DERA: variants seen among roughly 807,000 people sequenced by gnomAD.
DERA encodes deoxyribose-phosphate aldolase, also known as 2-deoxy-D-ribose 5-phosphate aldolase.
DERA carries 15 observed loss-of-function variants against 41.1 expected under a neutral mutation model. That is an observed-to-expected ratio of 0.37 (90% CI 0.24 to 0.56). The LOEUF (loss-of-function observed/expected upper bound fraction) is 0.56. Ranked by LOEUF, DERA falls within the 20% of genes least tolerant of loss-of-function variation. DERA has a pLI of 0.81. For missense variants in DERA, 396 were observed against 403.4 expected (o/e 0.98, Z 0.16); for synonymous variants, 139 against 137.4 (o/e 1.01, Z -0.08).
chr12:15,944,868 A>T (rs1948435367), intron 1 of DERA, among the ~76,000 whole-genome samples: 1 of 152,196 alleles, frequency 6.6e-6, no homozygotes, highest in Non-Finnish European at 1.5e-5. Context: ...TTTAGGTCTA[A>T]CATTTAAGTC....
In DERA at chr12:15,911,897, G is replaced by GT; in HGVS notation, c.31+484dup. 2.5e-6 allele frequency: 1 copy of GT among 403,658 alleles called. No individual in the cohort carries two copies. The highest frequency in any genetic ancestry group is 3.0e-5 in the Admixed American group (1 of 33,310). The allele number at this position is 403,658 out of a possible 1,614,324, so 25.0% of individuals were successfully genotyped here. The stretch of plus-strand genomic sequence containing the variant: ...GTTGTCAGCCGTCTGTGCTCAAAAT[G>GT]TAACACTGCAGATTCATGGGATTTT... On this transcript the variant is annotated intron_variant, in intron 1 of 8. Transcript: ENST00000428559. The surrounding 1 kb of genome is among the most constrained non-coding windows in gnomAD (Gnocchi z 4.5).
Position 15,990,235 on chromosome 12 carries a change from A to T in DERA, c.637+7799A>T, listed in dbSNP as rs1948792775. ...GGGGAGACAAATGACATTGAGCTGG[A>T]TTTCTTTCTGTACTGATTCCAAAGC... On this transcript the variant is annotated intron_variant, in intron 6 of 8. Coordinates refer to ENST00000428559, the MANE Select transcript of DERA (RefSeq NM_015954.4). This position sits in a 1 kb window ranked among gnomAD's most constrained non-coding sequence, Gnocchi z 4.3. Among the ~76,000 whole-genome samples, 1 of 152,138 alleles carries T rather than the reference A, an allele frequency of 6.6e-6. No individual in the cohort carries two copies. The highest frequency in any genetic ancestry group is 2.4e-5 in the African/African-American group (1 of 41,426).
At position 15,924,837 on chromosome 12, in the gene DERA, A is replaced by G. The variant is rs1011245188; in HGVS notation, c.31+13423A>G. On this transcript the variant is annotated intron_variant, in intron 1 of 8. Transcript: ENST00000428559. The surrounding 1 kb of genome is among the most constrained non-coding windows in gnomAD (Gnocchi z 5.0). Reference sequence around the variant, plus strand: ...CTGCTAAGATACTTTGCCTTCTTTTATGGTACCTACCAATTTCAGCCTTGT... The same window carrying G: ...CTGCTAAGATACTTTGCCTTCTTTTGTGGTACCTACCAATTTCAGCCTTGT... Among the ~76,000 whole-genome samples the G allele has an allele frequency of 1.3e-5, 2 of 152,136 alleles. No individual in the cohort carries two copies. Among genetic ancestry groups the G allele is most frequent in the African/African-American group, 2.4e-5 (1 of 41,412 alleles).
At position 16,035,674 on chromosome 12, in the gene DERA, A is replaced by C. The variant is rs1290807730; in HGVS notation, c.751-558A>C. Among the ~76,000 whole-genome samples the C allele has an allele frequency of 6.6e-6, 1 of 152,212 alleles. No homozygotes were observed. Among genetic ancestry groups the C allele is most frequent in the Non-Finnish European group, 1.5e-5 (1 of 68,042 alleles). ...GAACTGTGTGTGCCTGCAACTTAGAAAAAAAATCCCACAGTTAAATTGGTT... is the reference window on the plus strand; with the variant it reads ...GAACTGTGTGTGCCTGCAACTTAGACAAAAAATCCCACAGTTAAATTGGTT... On this transcript the variant is annotated intron_variant, in intron 7 of 8. Coordinates refer to ENST00000428559, the MANE Select transcript of DERA (RefSeq NM_015954.4). This position sits in a 1 kb window ranked among gnomAD's most constrained non-coding sequence, Gnocchi z 4.1.
chr12:15,912,323 C>T (rs996169330), intron 1 of DERA, among the ~76,000 whole-genome samples: 8 of 152,134 alleles, frequency 5.3e-5, no homozygotes, highest in Admixed American at 5.2e-4. Flanking sequence ...TCAGAGAGCA[C>T]AGGGTTGGGG....
chr12:16,019,079 A>G lies in DERA; in HGVS notation c.638-13463A>G, dbSNP rs1399650066. Among the ~76,000 whole-genome samples, 1 of 152,214 alleles carries G rather than the reference A, an allele frequency of 6.6e-6. No homozygotes were observed. Among genetic ancestry groups the G allele is most frequent in the Non-Finnish European group, 1.5e-5 (1 of 68,022 alleles). ...GTCTGTAGTGCTGTGTGGTGTTGGT[A>G]ATTCAAAATGTAGCATTTATTTCTC... On this transcript the variant is annotated intron_variant, in intron 6 of 8. Transcript: ENST00000428559. This position sits in a 1 kb window ranked among gnomAD's most constrained non-coding sequence, Gnocchi z 4.4.
In DERA at chr12:16,013,420, T is replaced by C. The variant is rs988556353; in HGVS notation, c.638-19122T>C. ...ATAATGAGTGAGTTCTTAGGAGATC[T>C]GATGGTTTTATAAGGAGTTCTCCTA... On this transcript the variant is annotated intron_variant, in intron 6 of 8. Coordinates refer to ENST00000428559, the MANE Select transcript of DERA (RefSeq NM_015954.4). The surrounding 1 kb of genome is among the most constrained non-coding windows in gnomAD (Gnocchi z 5.8). 1.3e-5 allele frequency among the ~76,000 whole-genome samples: 2 copies of C among 152,190 alleles called. No homozygotes were observed. Among genetic ancestry groups the C allele is most frequent in the African/African-American group, 4.8e-5 (2 of 41,442 alleles).
intron 6 of DERA, among the ~76,000 whole-genome samples, chr12:16,002,157 T>C (rs1948880114): frequency 2.8e-5 from 3 of 105,718 alleles, no homozygotes; most frequent in African/African-American, 3.8e-5. Flanking sequence ...ACAACAGCCC[T>C]GGTGTGTGAT....
In DERA at chr12:15,970,552, T is replaced by C; in HGVS notation, c.508+7605T>C. Among the ~76,000 whole-genome samples the C allele has an allele frequency of 6.6e-6, 1 of 152,180 alleles. No individual in the cohort carries two copies. On this transcript the variant is annotated intron_variant, in intron 5 of 8. Transcript: ENST00000428559. The surrounding 1 kb of genome is among the most constrained non-coding windows in gnomAD (Gnocchi z 4.3). ...TTAATTTTATTTATTTATTTATAAG[T>C]GTTTTTAGCTTTTTGAGGGTTTTTA... is the stretch of plus-strand genomic sequence containing the variant.
In DERA at chr12:15,988,557, G is replaced by A. The variant is rs937567318; in HGVS notation, c.637+6121G>A. 6.6e-6 allele frequency among the ~76,000 whole-genome samples: 1 copy of A among 152,176 alleles called. No homozygotes were observed. Among genetic ancestry groups the A allele is most frequent in the Admixed American group, 6.5e-5 (1 of 15,282 alleles). On this transcript the variant is annotated intron_variant, in intron 6 of 8. Transcript: ENST00000428559. This position sits in a 1 kb window ranked among gnomAD's most constrained non-coding sequence, Gnocchi z 6.0. ...TTTTTATATGCTCAGAATGAAGGAA[G>A]TGCATGCTGATTGGTCCATGGGCGG...
chr12:15,992,980 A>G lies in DERA; in HGVS notation c.637+10544A>G, dbSNP rs1251091906. ...GCCGATGAAGATCTGTGGGAAGAGTACTAACACAAAAATATGGGGCTTGAG... is the reference window on the plus strand; with the variant it reads ...GCCGATGAAGATCTGTGGGAAGAGTGCTAACACAAAAATATGGGGCTTGAG... On this transcript the variant is annotated intron_variant, in intron 6 of 8. Transcript: ENST00000428559. The surrounding 1 kb of genome is among the most constrained non-coding windows in gnomAD (Gnocchi z 4.3). Among the ~76,000 whole-genome samples the G allele has an allele frequency of 1.3e-5, 2 of 152,206 alleles. No individual in the cohort carries two copies. The highest frequency in any genetic ancestry group is 2.9e-5 in the Non-Finnish European group (2 of 68,022).
chr12:15,954,093 T>TTCTA lies in DERA; in HGVS notation c.32-2842_32-2839dup, dbSNP rs2136144764. ...GAAGTGCAAGAGCAGACCTTGTGAG[T>TTCTA]TCTAACCTTTGGTGTACTCAAAATT... On this transcript the variant is annotated intron_variant, in intron 1 of 8. Transcript: ENST00000428559. The surrounding 1 kb of genome is among the most constrained non-coding windows in gnomAD (Gnocchi z 4.0). 6.6e-6 allele frequency among the ~76,000 whole-genome samples: 1 copy of TTCTA among 152,254 alleles called. No individual in the cohort carries two copies. Among genetic ancestry groups the TTCTA allele is most frequent in the Non-Finnish European group, 1.5e-5 (1 of 68,006 alleles).
rs1029098079 is a variant in DERA, at chr12:15,935,429, G to A, written c.32-21507G>A. Among the ~76,000 whole-genome samples, 8 of 152,190 alleles carry A rather than the reference G, an allele frequency of 5.3e-5. No individual in the cohort carries two copies. The highest frequency in any genetic ancestry group is 2.6e-4 in the Admixed American group (4 of 15,290). ...TTGAACCCGGGAGGTGGAAGTTGCA[G>A]TGAGCAATGATTATGCCACTGCACT... On this transcript the variant is annotated intron_variant, in intron 1 of 8. Coordinates refer to ENST00000428559, the MANE Select transcript of DERA (RefSeq NM_015954.4). The surrounding 1 kb of genome is among the most constrained non-coding windows in gnomAD (Gnocchi z 4.8).
In DERA at chr12:16,029,129, A is replaced by G. The variant is rs550148704; in HGVS notation, c.638-3413A>G. On this transcript the variant is annotated intron_variant, in intron 6 of 8. Transcript: ENST00000428559. ...TATTGAATTTTGTTCTAAAACTAAA[A>G]GATTATTTAAAAATAAACAAACTGG... 1.0e-3 allele frequency among the ~76,000 whole-genome samples: 153 copies of G among 152,364 alleles called. 1 individual carries two copies. Among genetic ancestry groups the G allele is most frequent in the Admixed American group, 9.9e-3 (152 of 15,308 alleles).
chr12:15,980,080 AC>A (rs1357562601), intron 5 of DERA, among the ~76,000 whole-genome samples: 1 of 152,238 alleles, frequency 6.6e-6, no homozygotes, highest in Non-Finnish European at 1.5e-5. Flanking sequence ...ATAAGATTTG[AC>A]TTTTATAACA....
intron 1 of DERA, among the ~76,000 whole-genome samples, chr12:15,950,980 G>C (rs1469571236): frequency 1.3e-5 from 2 of 152,352 alleles, no homozygotes; most frequent in African/African-American, 4.8e-5. Context: ...TCTCCAGGAG[G>C]TTTTCTGTCC....
At chr12:16,016,791 CAAAAAAAAAA>C (rs55996641) in intron 6 of DERA, among the ~76,000 whole-genome samples, 12 of 58,674 alleles carry the variant, frequency 2.0e-4, no homozygotes, top group Admixed American at 1.3e-3. Context: ...GACCCTGTCT[CAAAAAAAAAA>C]AAAAAAAAAA....
chr12:15,934,627 G>A (rs1034191402), intron 1 of DERA, among the ~76,000 whole-genome samples: 1 of 151,810 alleles, frequency 6.6e-6, no homozygotes, highest in African/African-American at 2.4e-5. Flanking sequence ...AACTCACTTG[G>A]AACTATAGTA....
chr12:15,912,836 A>G (rs1948174628), intron 1 of DERA, among the ~76,000 whole-genome samples: 1 of 152,242 alleles, frequency 6.6e-6, no homozygotes, highest in South Asian at 2.1e-4. Flanking sequence ...TCGAATGGTA[A>G]GAGAGTAAAT....
Sources: gnomAD v4.1 joint callset for allele counts (sites outside exome capture counted in the v4.1 genomes callset) on GRCh38, gnomAD v4.1.1 for gene constraint, Gnocchi (gnomAD v3.1) non-coding constraint, MANE v1.5 for transcripts, NCBI Gene and HGNC (gene_info 2026-07-23, HGNC 2026-07-21) for gene names.